The following HYDIN variants were observed in gnomAD, a reference collection of about 807,000 sequenced individuals.
HYDIN encodes the protein HYDIN axonemal central pair apparatus protein, also known as axonemal central pair apparatus protein HYDIN.
In HYDIN, 132 loss-of-function variants were observed where a neutral mutation model predicts 403.9. That is an observed-to-expected ratio of 0.33 (90% confidence interval 0.28 to 0.38). HYDIN has a LOEUF of 0.38. HYDIN is among the 10% of genes least tolerant of loss of function. The pLI is 1.00. For missense variants in HYDIN, 2,827 were observed against 5,009.5 expected (o/e 0.56, Z 13.15); for synonymous variants, 1,202 against 1,891.7 (o/e 0.64, Z 9.46).
chr16:71,131,996 C>T (rs2084730022), intron 8 of HYDIN: 2 of 150,462 alleles, frequency 1.3e-5, no homozygotes, highest in African/African-American at 4.9e-5. Context: ...TACAATAATC[C>T]CACTTTTGTA....
chr16:71,201,418 T>A (rs1174927879), intron 1 of HYDIN, among the ~76,000 whole-genome samples: 1 of 152,016 alleles, frequency 6.6e-6, no homozygotes, highest in Non-Finnish European at 1.5e-5. Context: ...CCTGCATCCA[T>A]CCCCCCAACC....
chr16:70,817,672 T>C (rs1949288484), intron 84 of HYDIN, among the ~76,000 whole-genome samples: 1 of 152,262 alleles, frequency 6.6e-6, no homozygotes, highest in South Asian at 2.1e-4. Context: ...GTAGTGTGTG[T>C]GTGCGCACAC....
At chr16:71,043,203 A>G (rs2081341709) in intron 18 of HYDIN, among the ~76,000 whole-genome samples, 1 of 148,856 alleles carries the variant, frequency 6.7e-6, no homozygotes, top group Non-Finnish European at 1.5e-5. Context: ...TTTTTTTTTA[A>G]TCTGGAAGTT....
At chr16:70,990,791 T>C (rs1338706317) in intron 25 of HYDIN, among the ~76,000 whole-genome samples, 1 of 152,232 alleles carries the variant, frequency 6.6e-6, no homozygotes, top group African/African-American at 2.4e-5. Flanking sequence ...ATTTTAAATT[T>C]TGATCTACTT....
intron 1 of HYDIN, among the ~76,000 whole-genome samples, chr16:71,225,068 G>C (rs923628367): frequency 1.3e-5 from 2 of 152,148 alleles, no homozygotes; most frequent in African/African-American, 4.8e-5. Context: ...TGTAAAATCT[G>C]GCAAGACGAA....
Position 70,943,807 on chromosome 16 carries a change from C to G in HYDIN, c.6669+5G>C. 1 of 1,611,240 alleles carries G rather than the reference C, an allele frequency of 6.2e-7. No homozygotes were observed. The highest frequency in any genetic ancestry group is 8.5e-7 in the Non-Finnish European group (1 of 1,179,846). ...TGCAGCTCTGTGCAGGTGGCATGGACCCACCTGTATCCGCTCTGCCAGGAT... is the reference window on the plus strand; with the variant it reads ...TGCAGCTCTGTGCAGGTGGCATGGAGCCACCTGTATCCGCTCTGCCAGGAT... On this transcript the variant is annotated splice_donor_5th_base_variant and intron_variant, in intron 42 of 85. Transcript: ENST00000393567.
At position 71,169,081 on chromosome 16, in the gene HYDIN, G is replaced by A. The variant is rs533195403; in HGVS notation, c.517-6351C>T. ...CCATGTTCACTGCAGCATTATTCACGATAGCCAACATGTTGAATCAACCCA... is the reference window on the plus strand; with the variant it reads ...CCATGTTCACTGCAGCATTATTCACAATAGCCAACATGTTGAATCAACCCA... On this transcript the variant is annotated intron_variant, in intron 5 of 85. Transcript: ENST00000393567. Among the ~76,000 whole-genome samples the A allele has an allele frequency of 5.3e-5, 8 of 152,236 alleles. No homozygotes were observed. In the South Asian group the frequency reaches 8.3e-4, roughly 16 times the overall value.
chr16:70,925,310 T>C (rs2077116109), intron 45 of HYDIN, among the ~76,000 whole-genome samples: 2 of 152,262 alleles, frequency 1.3e-5, no homozygotes, highest in African/African-American at 4.8e-5. Context: ...GCAAGACCCC[T>C]ATCTTTAAAA....
At chr16:70,872,628 T>C (rs1374461186) in intron 64 of HYDIN, among the ~76,000 whole-genome samples, 1 of 105,852 alleles carries the variant, frequency 9.4e-6, no homozygotes, top group Admixed American at 9.8e-5. Flanking sequence ...CCACCCATCA[T>C]CCATCCACCC....
Position 71,230,634 on chromosome 16 carries a change from C to A in HYDIN, c.-96G>T. 6.5e-7 allele frequency: 1 copy of A among 1,536,066 alleles called. No homozygotes were observed. The highest frequency in any genetic ancestry group is 1.7e-4 in the Middle Eastern group (1 of 5,990). On this transcript the variant is annotated 5_prime_UTR_variant, in exon 1 of 86. Transcript: ENST00000393567. ...AAGACCCCGCGTCCAACTCACAGAC[C>A]CCGCCGCCGCTGAGGGGCTCCATAC...
At chr16:71,175,770 C>T (rs144501451) in intron 4 of HYDIN, 29 bp from the exon 5 acceptor site, 27 of 1,612,016 alleles carry the variant, frequency 1.7e-5, no homozygotes, top group Non-Finnish European at 2.2e-5. Flanking sequence ...TGATGAACAT[C>T]GTGCATGTGA....
chr16:70,946,805 G>C (rs1370758604), intron 41 of HYDIN, among the ~76,000 whole-genome samples: 1 of 152,302 alleles, frequency 6.6e-6, no homozygotes, highest in Non-Finnish European at 1.5e-5. Context: ...GTAAGTAGCT[G>C]AGGAGGCCAT....
rs534790346 is a variant in HYDIN at position 70,872,506 on chromosome 16, C to T, written c.10949-327G>A. Among the ~76,000 whole-genome samples, 584 of 150,194 alleles carry T rather than the reference C, an allele frequency of 3.9e-3. 4 individuals carry two copies. Among genetic ancestry groups the T allele is most frequent in the African/African-American group, 0.013 (546 of 40,742 alleles). ...ACCCATCCATCATCCACCTATCCAT[C>T]ACTCACCTATCCATCCATCCATCCA... On this transcript the variant is annotated intron_variant, in intron 64 of 85. Transcript: ENST00000393567.
chr16:71,070,243 TTTTCTTTCTTTC>T (rs143461846), intron 13 of HYDIN, among the ~76,000 whole-genome samples: 3 of 146,348 alleles, frequency 2.0e-5, no homozygotes, highest in African/African-American at 7.8e-5. Context: ...ATTTTCTTTC[TTTTCTTTCTTTC>T]TTTCTTTCTT....
Position 70,962,735 on chromosome 16 carries a change from C to T in HYDIN, c.5789-597G>A, listed in dbSNP as rs1173502558. 2.7e-5 allele frequency among the ~76,000 whole-genome samples: 4 copies of T among 146,694 alleles called. No individual in the cohort carries two copies. In the East Asian group the frequency reaches 6.0e-4, roughly 22 times the overall value. On this transcript the variant is annotated intron_variant, in intron 37 of 85. Coordinates refer to ENST00000393567, the MANE Select transcript of HYDIN (RefSeq NM_001270974.2). Reference sequence around the variant, plus strand: ...GACTGTATGAGGTGATCCCCCTCTACTACAGGGCAAGACATTCCCTTTGTC... The same window carrying T: ...GACTGTATGAGGTGATCCCCCTCTATTACAGGGCAAGACATTCCCTTTGTC...
Position 71,129,718 on chromosome 16 carries a change from T to G in HYDIN, c.1149A>C (p.Arg383=). ...LLREHLSVLS[R]TFANQRRLVQ... ...CCAGCCTCCTCTGATTCGCAAAGGT[T>G]CGGGACAGAACAGAAAGATGTTCTC... Residue 383 remains arginine, a synonymous_variant, in exon 9 of 86, where the codon CGA becomes CGC. Coordinates refer to ENST00000393567, the MANE Select transcript of HYDIN (RefSeq NM_001270974.2). 1 of 1,614,206 alleles carries G rather than the reference T, an allele frequency of 6.2e-7. No individual in the cohort carries two copies. Among genetic ancestry groups the G allele is most frequent in the Non-Finnish European group, 8.5e-7 (1 of 1,180,038 alleles).
rs576677391 is a variant in HYDIN at position 70,835,956 on chromosome 16, T to C, written c.13243-122A>G. On this transcript the variant is annotated intron_variant, in intron 77 of 85. Transcript: ENST00000393567. Reference sequence around the variant, plus strand: ...CTTTCTGTGCCCTCACTTCTTCATATTGGGTGGGCATCTGCCTACTCAATA... The same window carrying C: ...CTTTCTGTGCCCTCACTTCTTCATACTGGGTGGGCATCTGCCTACTCAATA... The C allele has an allele frequency of 2.5e-4, 201 of 791,758 alleles. 1 individual carries two copies. The African/African-American group carries it at 3.0e-3, about 12-fold the overall frequency. 49.0% of individuals were successfully genotyped at this position (791,758 alleles called of 1,614,324 possible). A position where few individuals can be genotyped will look rare whatever the true frequency, so the allele number is the denominator to read the frequency against.
chr16:71,173,219 G>A (rs962340551), intron 5 of HYDIN, among the ~76,000 whole-genome samples: 2 of 152,186 alleles, frequency 1.3e-5, no homozygotes, highest in Non-Finnish European at 2.9e-5. Context: ...TCCTCACTAT[G>A]TCTCCTCAAA....
At chr16:70,949,938 G>A (rs2078011445) in intron 41 of HYDIN, among the ~76,000 whole-genome samples, 1 of 152,212 alleles carries the variant, frequency 6.6e-6, no homozygotes, top group Non-Finnish European at 1.5e-5. Context: ...ACCCTATATG[G>A]TAACAGAGAA....
Sources: allele counts gnomAD v4.1 joint callset (sites outside exome capture counted in the v4.1 genomes callset), GRCh38; gene constraint gnomAD v4.1.1; transcripts MANE v1.5; gene names NCBI Gene and HGNC (gene_info 2026-07-23, HGNC 2026-07-21).